F8: variants seen among roughly 807,000 people sequenced by gnomAD.
F8 encodes antihemophilic factor.
F8 carries 12 observed loss-of-function variants against 140.6 expected under a neutral mutation model. That is an observed-to-expected ratio of 0.09 (90% confidence interval 0.05 to 0.14). The LOEUF (loss-of-function observed/expected upper bound fraction) is 0.14. Among genes scored for constraint, F8 ranks in the 10% least tolerant of loss-of-function variants. The pLI is 1.00. For missense variants in F8, 1,354 were observed against 1,720.7 expected (o/e 0.79, Z 3.77); for synonymous variants, 585 against 614.6 (o/e 0.95, Z 0.71).
intron 10 of F8, among the ~76,000 whole-genome samples, chrX:154,957,555 C>A (rs1451380893): frequency 9.0e-5 from 10 of 111,004 alleles, no homozygotes; most frequent in Non-Finnish European, 1.7e-4. Context: ...TGTTTCATAC[C>A]TGAAGATACA....
At chrX:154,949,123 A>C (rs1387072141) in intron 12 of F8, among the ~76,000 whole-genome samples, 11 of 112,395 alleles carry the variant, frequency 9.8e-5, no homozygotes, top group African/African-American at 3.5e-4. Flanking sequence ...TAACAAAAGT[A>C]AAGTCCTTTT....
At chrX:154,979,059 G>C (rs1394571529) in intron 6 of F8, among the ~76,000 whole-genome samples, 2 of 111,366 alleles carry the variant, frequency 1.8e-5, no homozygotes, top group African/African-American at 6.6e-5. Flanking sequence ...GTTGATTTGT[G>C]GGCCTCCAAG....
At chrX:155,006,398 G>A (rs1557286080) in intron 1 of F8, among the ~76,000 whole-genome samples, 1 of 52,786 alleles carries the variant, frequency 1.9e-5, no homozygotes, top group Non-Finnish European at 3.5e-5. Context: ...CACACGTCAC[G>A]GTGGCACCTT....
Position 154,929,731 on chromosome X carries a change from A to G in F8, c.4059T>C (p.Asp1353=), listed in dbSNP as rs2073182003. 1.7e-6 allele frequency: 2 copies of G among 1,209,065 alleles called. No homozygotes were observed. Among genetic ancestry groups the G allele is most frequent in the African/African-American group, 3.5e-5 (2 of 57,058 alleles). ...TTTTGGACCACTGGGTTGAGGTGTC[A>G]TCCACAATTATCCTTTTTTCAAGTT... ...ETELEKRIIV[D]DTSTQWSKNM... Residue 1353 remains aspartate, a synonymous_variant, in exon 14 of 26, where the codon GAT becomes GAC. Transcript: ENST00000360256.
rs2123993570 is a variant in F8 at position 154,901,365 on chromosome X, A to T, written c.6187+6T>A. The T allele has an allele frequency of 8.7e-7, 1 of 1,146,538 alleles. No homozygotes were observed. Among genetic ancestry groups the T allele is most frequent in the Admixed American group, 2.2e-5 (1 of 45,640 alleles). 94.5% of individuals were successfully genotyped at this position (1,146,538 alleles called of 1,213,427 possible). A position where few individuals can be genotyped will look rare whatever the true frequency, so the allele number is the denominator to read the frequency against. Reference sequence around the variant, plus strand: ...AGGTTCTTGGAGCAAAAATAATAGTATTTACCATATTGTCCTGAAGCTGTA... The same window carrying T: ...AGGTTCTTGGAGCAAAAATAATAGTTTTTACCATATTGTCCTGAAGCTGTA... On this transcript the variant is annotated splice_donor_region_variant and intron_variant, in intron 20 of 25. Transcript: ENST00000360256.
chrX:154,937,819 A>C (rs1478359198), intron 13 of F8, among the ~76,000 whole-genome samples: 3 of 111,966 alleles, frequency 2.7e-5, no homozygotes, highest in African/African-American at 9.7e-5. Flanking sequence ...GGACAGGAAT[A>C]CTCAATATTG....
intron 12 of F8, among the ~76,000 whole-genome samples, chrX:154,951,328 C>G (rs1261597589): frequency 2.7e-5 from 3 of 111,881 alleles, no homozygotes; most frequent in African/African-American, 9.7e-5. Flanking sequence ...CCCCACAAAA[C>G]ACATGTGTTT....
At chrX:154,924,999 G>A (rs2073152712) in intron 14 of F8, among the ~76,000 whole-genome samples, 1 of 112,200 alleles carries the variant, frequency 8.9e-6, no homozygotes, top group Middle Eastern at 4.6e-3. Flanking sequence ...GGGAGGGGCT[G>A]GTGTGAAGAC....
intron 22 of F8, among the ~76,000 whole-genome samples, chrX:154,872,614 G>T (rs1372239564): frequency 1.8e-5 from 2 of 110,919 alleles, no homozygotes; most frequent in Non-Finnish European, 3.8e-5. Context: ...GGGTTGATGG[G>T]TGCAGCAAAC....
intron 3 of F8, among the ~76,000 whole-genome samples, chrX:154,994,529 C>T (rs1248427729): frequency 1.8e-5 from 2 of 112,023 alleles, no homozygotes; most frequent in African/African-American, 6.5e-5. Context: ...CCCTTTTTTT[C>T]TGACACTCAT....
rs28814617 is a variant in F8 at position 154,865,580 on chromosome X, C to G, written c.6430-2353G>C. Among the ~76,000 whole-genome samples the G allele has an allele frequency of 3.4e-4, 37 of 108,941 alleles. No homozygotes were observed. The South Asian group carries it at 0.015, about 43-fold the overall frequency. The allele number at this position is 108,941 out of a possible 115,157, so 94.6% of individuals were successfully genotyped here. On this transcript the variant is annotated intron_variant, in intron 22 of 25. Coordinates refer to ENST00000360256, the MANE Select transcript of F8 (RefSeq NM_000132.4). ...TGACGTCGATTACATAAAGTTGTGGCGGGGGGAATGAGTAAAGTATAGAGT... is the reference window on the plus strand; with the variant it reads ...TGACGTCGATTACATAAAGTTGTGGGGGGGGGAATGAGTAAAGTATAGAGT...
intron 17 of F8, 43 bp from the exon 18 acceptor site, chrX:154,904,131 A>C: frequency 8.4e-7 from 1 of 1,190,242 alleles, no homozygotes; most frequent in Non-Finnish European, 1.1e-6. Context: ...CTATTATATA[A>C]GTTTCTTTCT....
intron 6 of F8, among the ~76,000 whole-genome samples, chrX:154,973,656 C>T (rs1363298338): frequency 8.9e-6 from 1 of 112,301 alleles, no homozygotes; most frequent in Non-Finnish European, 1.9e-5. Context: ...TATAGACATG[C>T]TATCAATTAT....
At chrX:154,955,376 C>T (rs906292446) in intron 11 of F8, among the ~76,000 whole-genome samples, 12 of 83,453 alleles carry the variant, frequency 1.4e-4, no homozygotes, top group Non-Finnish European at 2.7e-4. Context: ...CCAGGATGGT[C>T]TTGAAATCCT....
chrX:154,995,287 A>T (rs2073610679), intron 3 of F8, among the ~76,000 whole-genome samples: 1 of 112,314 alleles, frequency 8.9e-6, no homozygotes, highest in African/African-American at 3.2e-5. Context: ...TGTGTGAAAC[A>T]TTATAGCTGT....
intron 6 of F8, among the ~76,000 whole-genome samples, chrX:154,979,750 C>T (rs1330358158): frequency 8.9e-6 from 1 of 111,877 alleles, no homozygotes; most frequent in Non-Finnish European, 1.9e-5. Context: ...GGGCTCCTGC[C>T]TAAGTCACGG....
At chrX:154,983,670 G>A (rs1557283950) in intron 6 of F8, among the ~76,000 whole-genome samples, 1 of 112,397 alleles carries the variant, frequency 8.9e-6, no homozygotes, top group Non-Finnish European at 1.9e-5. Flanking sequence ...CCAAGTGGGT[G>A]AGGTCCCAAA....
chrX:154,870,451 G>C (rs1294746556), intron 22 of F8, among the ~76,000 whole-genome samples: 1 of 111,623 alleles, frequency 9.0e-6, no homozygotes, highest in Non-Finnish European at 1.9e-5. Flanking sequence ...AAAACCACAT[G>C]ATTATCTCAA....
At chrX:155,002,646 C>G (rs1249085851) in intron 1 of F8, among the ~76,000 whole-genome samples, 4 of 110,425 alleles carry the variant, frequency 3.6e-5, no homozygotes, top group African/African-American at 9.9e-5. Flanking sequence ...CACACACACA[C>G]GGATCTGTTT....
Sources: gnomAD v4.1 joint callset for allele counts (sites outside exome capture counted in the v4.1 genomes callset) on GRCh38, gnomAD v4.1.1 for gene constraint, MANE v1.5 for transcripts, NCBI Gene and HGNC (gene_info 2026-07-23, HGNC 2026-07-21) for gene names.